Variants in SPOCK3 observed in about 807,000 individuals in gnomAD.
SPOCK3 encodes the protein testican-3.
Under a neutral mutation model 56.6 loss-of-function variants are expected in SPOCK3, and 30 were observed. The ratio of observed to expected loss-of-function variants is 0.53; its 90% CI spans 0.40 to 0.72. The LOEUF (loss-of-function observed/expected upper bound fraction) is 0.72, where lower values mean the gene tolerates loss of function less well. SPOCK3 is among the 30% of genes least tolerant of loss of function. The probability of loss-of-function intolerance (pLI) is 0.00; values close to 1 mark genes in which losing one functional copy is unlikely to be tolerated. For synonymous variants in SPOCK3, 196 were observed against 183.3 expected (o/e 1.07, Z -0.56); for missense variants, 527 against 530.0 (o/e 0.99, Z 0.06).
At position 167,043,841 on chromosome 4, in the gene SPOCK3, T is replaced by C. The variant is rs554540776; in HGVS notation, c.235+18651A>G. Among the ~76,000 whole-genome samples the C allele has an allele frequency of 5.3e-5, 8 of 152,146 alleles. No individual in the cohort carries two copies. In the East Asian group the frequency reaches 1.5e-3, roughly 29 times the overall value. ...TACATTTTTGGACTGGATTTGCCAATACTTTATTGAAGACTTTTGCACCCA... is the reference window on the plus strand; with the variant it reads ...TACATTTTTGGACTGGATTTGCCAACACTTTATTGAAGACTTTTGCACCCA... On this transcript the variant is annotated intron_variant, in intron 3 of 10. Transcript: ENST00000357545.
intron 4 of SPOCK3, among the ~76,000 whole-genome samples, chr4:166,954,175 TG>T (rs1743102066): frequency 6.6e-6 from 1 of 152,202 alleles, no homozygotes. Context: ...TATAATAGGT[TG>T]GTGCAAAAAT....
chr4:166,899,293 T>TCTATCTATCTAG (rs555306781), intron 5 of SPOCK3, among the ~76,000 whole-genome samples: 1 of 139,022 alleles, frequency 7.2e-6, no homozygotes, highest in Non-Finnish European at 1.6e-5. Context: ...TATCTATCTA[T>TCTATCTATCTAG]CTATCTATGT....
chr4:167,125,350 T>C (rs1051360494), intron 2 of SPOCK3, among the ~76,000 whole-genome samples: 1 of 150,452 alleles, frequency 6.6e-6, no homozygotes, highest in African/African-American at 2.4e-5. Context: ...ATTAGAGATC[T>C]TAACAAGTAT....
intron 2 of SPOCK3, among the ~76,000 whole-genome samples, chr4:167,125,277 C>T (rs1762179032): frequency 6.7e-6 from 1 of 148,570 alleles, no homozygotes; most frequent in Non-Finnish European, 1.5e-5. Context: ...GCTGTTCACT[C>T]TTGGTAGAAT....
At chr4:166,952,847 TTAA>T (rs1177288942) in intron 4 of SPOCK3, among the ~76,000 whole-genome samples, 2 of 151,978 alleles carry the variant, frequency 1.3e-5, no homozygotes, top group African/African-American at 4.8e-5. Context: ...GATTCCCTAT[TTAA>T]TAAATGGTGC....
At chr4:167,030,566 GTATGA>G (rs936828727) in intron 3 of SPOCK3, among the ~76,000 whole-genome samples, 19 of 151,542 alleles carry the variant, frequency 1.3e-4, no homozygotes, top group Admixed American at 8.5e-4. Flanking sequence ...GTTTTGGAGG[GTATGA>G]TATATTAGCC....
chr4:166,899,422 A>T (rs983759289), intron 5 of SPOCK3, among the ~76,000 whole-genome samples: 1 of 151,738 alleles, frequency 6.6e-6, no homozygotes, highest in Non-Finnish European at 1.5e-5. Context: ...CATGACTCTG[A>T]CTACAGTATT....
chr4:167,099,458 A>G (rs1389459987), intron 2 of SPOCK3, among the ~76,000 whole-genome samples: 1 of 152,014 alleles, frequency 6.6e-6, no homozygotes, highest in Non-Finnish European at 1.5e-5. Context: ...CATGTGACAA[A>G]TAACTTAGAT....
At chr4:166,906,162 T>C (rs1337956669) in intron 5 of SPOCK3, among the ~76,000 whole-genome samples, 1 of 152,038 alleles carries the variant, frequency 6.6e-6, no homozygotes, top group African/African-American at 2.4e-5. Flanking sequence ...AAAGTCAGCA[T>C]TAAGGTACAA....
chr4:167,230,585 AT>A (rs1388087414), intron 2 of SPOCK3, among the ~76,000 whole-genome samples: 2 of 148,210 alleles, frequency 1.3e-5, no homozygotes, highest in Non-Finnish European at 3.0e-5. Context: ...ATTTTATTTT[AT>A]TTCAAAATCA....
At chr4:166,818,421 A>G (rs1382512967) in intron 6 of SPOCK3, among the ~76,000 whole-genome samples, 5 of 152,056 alleles carry the variant, frequency 3.3e-5, no homozygotes, top group Non-Finnish European at 7.4e-5. Flanking sequence ...ATTATAGTAA[A>G]AACATTTTGA....
intron 3 of SPOCK3, among the ~76,000 whole-genome samples, chr4:167,039,487 TTA>T (rs1468532037): frequency 6.6e-6 from 1 of 152,078 alleles, no homozygotes; most frequent in Non-Finnish European, 1.5e-5. Flanking sequence ...AACTAGCACA[TTA>T]TATATGTGTA....
intron 2 of SPOCK3, among the ~76,000 whole-genome samples, chr4:167,125,699 A>C (rs1403289345): frequency 6.6e-6 from 1 of 152,122 alleles, no homozygotes; most frequent in African/African-American, 2.4e-5. Context: ...CCGGCAGCAG[A>C]GGGAGACTCC....
At chr4:167,030,858 A>G (rs2150180820) in intron 3 of SPOCK3, among the ~76,000 whole-genome samples, 1 of 152,158 alleles carries the variant, frequency 6.6e-6, no homozygotes, top group Non-Finnish European at 1.5e-5. Context: ...TTTCTCCAAC[A>G]AGCTGCAGGA....
intron 2 of SPOCK3, among the ~76,000 whole-genome samples, chr4:167,148,637 T>C (rs1412997305): frequency 2.6e-5 from 4 of 152,158 alleles, no homozygotes; most frequent in Admixed American, 2.0e-4. Flanking sequence ...AATATAACCG[T>C]GTATAGTCTT....
In SPOCK3 at chr4:166,738,416, T is replaced by TTTTA. The variant is rs58341590; in HGVS notation, c.995-816_995-813dup. 2.4e-3 allele frequency among the ~76,000 whole-genome samples: 274 copies of TTTTA among 113,870 alleles called. 2 individuals are homozygous for TTTTA. Among genetic ancestry groups the TTTTA allele is most frequent in the Admixed American group, 0.023 (219 of 9,674 alleles). 74.7% of individuals were successfully genotyped at this position (113,870 alleles called of 152,430 possible). On this transcript the variant is annotated intron_variant, in intron 9 of 10. Coordinates refer to ENST00000357545, the MANE Select transcript of SPOCK3 (RefSeq NM_001040159.2). Reference sequence around the variant, plus strand: ...ATAGTAGAACAGATAGATAAATATTTTTTATTTATTTATTTATTTATTTAT... The same window carrying TTTTA: ...ATAGTAGAACAGATAGATAAATATTTTTTATTTATTTATTTATTTATTTATTTAT...
At chr4:166,918,676 GAAGT>G (rs1400472144) in intron 4 of SPOCK3, among the ~76,000 whole-genome samples, 7 of 152,104 alleles carry the variant, frequency 4.6e-5, no homozygotes, top group Non-Finnish European at 1.0e-4. Flanking sequence ...TACAGTGGGA[GAAGT>G]AATTAATGAA....
intron 5 of SPOCK3, among the ~76,000 whole-genome samples, chr4:166,907,839 T>A (rs77790749): frequency 6.6e-6 from 1 of 152,036 alleles, no homozygotes; most frequent in African/African-American, 2.4e-5. Flanking sequence ...TCCCCATAAA[T>A]GATCATGATA....
rs149794784 is a variant in SPOCK3, at chr4:166,820,589, C to T, written c.590-28300G>A. Among the ~76,000 whole-genome samples the T allele has an allele frequency of 8.8e-4, 134 of 151,842 alleles. 2 individuals carry two copies. The East Asian group carries it at 0.022, about 25-fold the overall frequency. ...GTTAAAACCTAGCACTTTGGGAGGCCGAGGTTGAGTGAATCACTTGAGCCC... is the reference window on the plus strand; with the variant it reads ...GTTAAAACCTAGCACTTTGGGAGGCTGAGGTTGAGTGAATCACTTGAGCCC... On this transcript the variant is annotated intron_variant, in intron 6 of 10. Transcript: ENST00000357545.
Sources: allele counts gnomAD v4.1 joint callset (sites outside exome capture counted in the v4.1 genomes callset), GRCh38; gene constraint gnomAD v4.1.1; transcripts MANE v1.5; gene names NCBI Gene and HGNC (gene_info 2026-07-23, HGNC 2026-07-21).